The following CADPS2 variants were observed in gnomAD, a reference collection of about 807,000 sequenced individuals.
CADPS2 encodes the protein calcium-dependent secretion activator 2.
Under a neutral mutation model 172.5 loss-of-function variants are expected in CADPS2, and 93 were observed. The observed-to-expected ratio is 0.54, with a 90% CI of 0.46 to 0.64. The LOEUF is 0.64. CADPS2 is among the 30% of genes least tolerant of loss of function. The pLI is 0.00. For missense variants in CADPS2, 1,420 were observed against 1,565.9 expected, an observed-to-expected ratio of 0.91 and a Z score of 1.57; for synonymous variants, 546 against 555.2, an observed-to-expected ratio of 0.98 and a Z score of 0.23.
intron 1 of CADPS2, among the ~76,000 whole-genome samples, chr7:122,835,054 C>G (rs1563135545): frequency 6.6e-6 from 1 of 152,166 alleles, no homozygotes; most frequent in Non-Finnish European, 1.5e-5. Flanking sequence ...AGACAGACAC[C>G]TCACATGTTT....
chr7:122,333,469 A>G (rs1294580901), intron 28 of CADPS2, among the ~76,000 whole-genome samples: 1 of 152,166 alleles, frequency 6.6e-6, no homozygotes, highest in African/African-American at 2.4e-5. Flanking sequence ...AACCTTTTTC[A>G]GCAAACTGAC....
At chr7:122,852,681 G>A (rs1226294063) in intron 1 of CADPS2, among the ~76,000 whole-genome samples, 1 of 152,178 alleles carries the variant, frequency 6.6e-6, no homozygotes, top group Admixed American at 6.5e-5. Context: ...AAAGAGGCAA[G>A]TTTTAGCTGG....
At chr7:122,647,145 T>C (rs955659663) in intron 3 of CADPS2, among the ~76,000 whole-genome samples, 23 of 152,086 alleles carry the variant, frequency 1.5e-4, no homozygotes, top group Non-Finnish European at 2.1e-4. Context: ...TTGATCTACC[T>C]AAAAAAGGTG....
chr7:122,629,013 TATC>T (rs2076329187), intron 4 of CADPS2, among the ~76,000 whole-genome samples: 1 of 151,916 alleles, frequency 6.6e-6, no homozygotes, highest in African/African-American at 2.4e-5. Flanking sequence ...CTATAAAAGT[TATC>T]ATTAAAATTA....
At chr7:122,589,127 A>G (rs1490226973) in intron 6 of CADPS2, among the ~76,000 whole-genome samples, 1 of 151,970 alleles carries the variant, frequency 6.6e-6, no homozygotes, top group Non-Finnish European at 1.5e-5. Context: ...CCTGCACATA[A>G]TGGCCACATA....
At position 122,516,427 on chromosome 7, in the gene CADPS2, T is replaced by A. The variant is rs78076710; in HGVS notation, c.1476-3112A>T. On this transcript the variant is annotated intron_variant, in intron 8 of 29. Transcript: ENST00000449022. ...GTGGTACACACTTGTCTTTGCTACT[T>A]GGGAGGAGGCTGAGGCAGGATAATC... 7.8e-3 allele frequency among the ~76,000 whole-genome samples: 1,190 copies of A among 152,134 alleles called. 16 individuals carry two copies. The highest frequency in any genetic ancestry group is 0.028 in the African/African-American group (1,151 of 41,512).
At chr7:122,554,756 A>C in intron 7 of CADPS2, 67 bp from the exon 8 acceptor site, 1 of 1,334,456 alleles carries the variant, frequency 7.5e-7, no homozygotes, top group Non-Finnish European at 9.9e-7. Context: ...GAACTAAAAT[A>C]TTTTCTATGT....
intron 1 of CADPS2, among the ~76,000 whole-genome samples, chr7:122,877,505 TAAAAGGATCAACACTG>T (rs1156667509): frequency 6.6e-6 from 1 of 152,074 alleles, no homozygotes; most frequent in African/African-American, 2.4e-5. Context: ...CTAGAAAATC[TAAAAGGATCAACACTG>T]AAGACAACAA....
intron 28 of CADPS2, among the ~76,000 whole-genome samples, chr7:122,340,525 TG>T: frequency 6.6e-6 from 1 of 152,230 alleles, no homozygotes; most frequent in Non-Finnish European, 1.5e-5. Flanking sequence ...CCTTAGAAAA[TG>T]ACAAGAGAAG....
chr7:122,837,842 A>C (rs1475941639), intron 1 of CADPS2, among the ~76,000 whole-genome samples: 2 of 152,274 alleles, frequency 1.3e-5, no homozygotes, highest in African/African-American at 4.8e-5. Flanking sequence ...CTGAATTCTA[A>C]CAGAGGTACA....
At chr7:122,482,461 A>C (rs548909254) in intron 11 of CADPS2, among the ~76,000 whole-genome samples, 1 of 152,260 alleles carries the variant, frequency 6.6e-6, no homozygotes, top group East Asian at 1.9e-4. Context: ...TCTAGCCCAA[A>C]ATGTCAATAG....
chr7:122,751,693 T>C (rs1287673331), intron 1 of CADPS2, among the ~76,000 whole-genome samples: 2 of 152,126 alleles, frequency 1.3e-5, no homozygotes, highest in Non-Finnish European at 2.9e-5. Context: ...CACTGCACAC[T>C]GCCTTTCATG....
chr7:122,629,231 C>A lies in CADPS2; in HGVS notation c.867+17G>T. On this transcript the variant is annotated intron_variant, in intron 4 of 29. Coordinates refer to ENST00000449022, the MANE Select transcript of CADPS2 (RefSeq NM_017954.11). ...AAGAAAGGAATGTCATACAGTATGT[C>A]CAAGTTAATAATTTACCTTTGCCAT... 1.3e-6 allele frequency: 2 copies of A among 1,594,948 alleles called. No individual in the cohort carries two copies. Among genetic ancestry groups the A allele is most frequent in the South Asian group, 2.3e-5 (2 of 88,726 alleles).
chr7:122,872,816 A>T (rs1820129665), intron 1 of CADPS2, among the ~76,000 whole-genome samples: 1 of 152,134 alleles, frequency 6.6e-6, no homozygotes, highest in South Asian at 2.1e-4. Flanking sequence ...CAGAAAAAAA[A>T]TTTAAATAGG....
intron 8 of CADPS2, among the ~76,000 whole-genome samples, chr7:122,520,766 T>A (rs1381963819): frequency 1.3e-5 from 2 of 152,162 alleles, no homozygotes; most frequent in Admixed American, 1.3e-4. Flanking sequence ...TATTGTAGTT[T>A]AGTTTCAATT....
At position 122,318,660 on chromosome 7, in the gene CADPS2, C is replaced by T. The variant is rs1471719601; in HGVS notation, c.*1505G>A. ...AAGATAGTGAGTTGGTAGAGTTAGTCTTTAATCCCGGAAGAAGGAAGAAAT... is the reference window on the plus strand; with the variant it reads ...AAGATAGTGAGTTGGTAGAGTTAGTTTTTAATCCCGGAAGAAGGAAGAAAT... On this transcript the variant is annotated 3_prime_UTR_variant, in exon 30 of 30. Coordinates refer to ENST00000449022, the MANE Select transcript of CADPS2 (RefSeq NM_017954.11). The T allele has an allele frequency of 6.6e-6, 1 of 152,164 alleles. No homozygotes were observed. Among genetic ancestry groups the T allele is most frequent in the Non-Finnish European group, 1.5e-5 (1 of 68,026 alleles). 9.4% of individuals were successfully genotyped at this position (152,164 alleles called of 1,614,324 possible). A position where few individuals can be genotyped will look rare whatever the true frequency, so the allele number is the denominator to read the frequency against.
intron 1 of CADPS2, among the ~76,000 whole-genome samples, chr7:122,836,346 C>A (rs903203754): frequency 6.6e-6 from 1 of 152,124 alleles, no homozygotes; most frequent in African/African-American, 2.4e-5. Context: ...TAAAGACCAC[C>A]GAGGCTGGGA....
At chr7:122,419,342 C>T (rs1293787066) in intron 17 of CADPS2, among the ~76,000 whole-genome samples, 2 of 152,140 alleles carry the variant, frequency 1.3e-5, no homozygotes, top group Non-Finnish European at 2.9e-5. Context: ...GAACACTTCT[C>T]AAATAACTGA....
In CADPS2 at chr7:122,338,969, TGCTCAG is replaced by T. The variant is rs1238681616; in HGVS notation, c.3612+6599_3612+6604del. ...TTGTAGAGACAAGGTCTTGCAATGTTGCTCAGGCTGTTCTTGAACTCCTAGATGTAA... is the reference window on the plus strand; with the variant it reads ...TTGTAGAGACAAGGTCTTGCAATGTTGCTGTTCTTGAACTCCTAGATGTAA... On this transcript the variant is annotated intron_variant, in intron 28 of 29. Coordinates refer to ENST00000449022, the MANE Select transcript of CADPS2 (RefSeq NM_017954.11). 8 of 151,936 alleles carry T rather than the reference TGCTCAG, an allele frequency of 5.3e-5. No individual in the cohort carries two copies. The East Asian group carries it at 1.5e-3, about 29-fold the overall frequency. 9.4% of individuals were successfully genotyped at this position (151,936 alleles called of 1,614,324 possible). A position where few individuals can be genotyped will look rare whatever the true frequency, so the allele number is the denominator to read the frequency against.
Sources: allele counts gnomAD v4.1 joint callset (sites outside exome capture counted in the v4.1 genomes callset), GRCh38; gene constraint gnomAD v4.1.1; transcripts MANE v1.5; gene names NCBI Gene and HGNC (gene_info 2026-07-23, HGNC 2026-07-21).